MAP7D2: variants seen among roughly 807,000 people sequenced by gnomAD.
MAP7D2 encodes MAP7 domain-containing protein 2.
A neutral mutation model predicts 63.5 loss-of-function variants in MAP7D2; 33 were observed. That is an observed-to-expected ratio of 0.52 (90% CI 0.39 to 0.70). The LOEUF (loss-of-function observed/expected upper bound fraction) is 0.70, where lower values mean the gene tolerates loss of function less well. Ranked by LOEUF, MAP7D2 falls within the 30% of genes least tolerant of loss-of-function variation. MAP7D2 has a pLI of 0.00. For missense variants in MAP7D2, 626 were observed against 604.0 expected, an observed-to-expected ratio of 1.04 and a Z score of -0.38; for synonymous variants, 224 against 223.7, an observed-to-expected ratio of 1.00 and a Z score of -0.01.
At chrX:20,112,009 C>T (rs1334517019) in intron 1 of MAP7D2, among the ~76,000 whole-genome samples, 3 of 111,880 alleles carry the variant, frequency 2.7e-5, no homozygotes, top group Middle Eastern at 4.6e-3. Context: ...TGAGTGCAAG[C>T]GATCTGTGGG....
intron 16 of MAP7D2, among the ~76,000 whole-genome samples, chrX:20,009,591 G>A (rs1308175537): frequency 9.7e-6 from 1 of 103,032 alleles, no homozygotes; most frequent in Non-Finnish European, 2.0e-5. Flanking sequence ...TTGAACCTGG[G>A]AGGTAGAAGT....
chrX:20,050,553 A>AGT (rs2064919860), intron 6 of MAP7D2, among the ~76,000 whole-genome samples: 1 of 111,953 alleles, frequency 8.9e-6, no homozygotes, highest in Non-Finnish European at 1.9e-5. Context: ...ACCGTCTCTT[A>AGT]AGAAAAGTCT....
rs182538331 is a variant in MAP7D2 at position 20,114,173 on chromosome X, C to T, written c.130+2577G>A. Among the ~76,000 whole-genome samples the T allele has an allele frequency of 1.2e-4, 14 of 112,297 alleles. No homozygotes were observed. The Admixed American group carries it at 1.3e-3, about 11-fold the overall frequency. On this transcript the variant is annotated intron_variant, in intron 1 of 16. Transcript: ENST00000379643. ...TCAGCCTCCCAAGTAGCTACGATTA[C>T]AAGCATGCGCCACCAGGCCCGGCTA...
At chrX:20,060,434 GAAAGAAAGAAAGAA>G (rs1319012546) in intron 3 of MAP7D2, among the ~76,000 whole-genome samples, 22 of 22,012 alleles carry the variant, frequency 1.0e-3, no homozygotes, top group Non-Finnish European at 1.8e-3. Context: ...GAGAGAGAGA[GAAAGAAAGAAAGAA>G]AGAAAGAAAG....
chrX:20,106,048 C>T (rs776620999), intron 1 of MAP7D2, among the ~76,000 whole-genome samples: 3 of 111,748 alleles, frequency 2.7e-5, no homozygotes, highest in Admixed American at 1.9e-4. Flanking sequence ...GGGGCCAAAC[C>T]GAATCCACTA....
chrX:20,033,356 C>T (rs886225799), intron 8 of MAP7D2, among the ~76,000 whole-genome samples: 1 of 111,691 alleles, frequency 9.0e-6, no homozygotes, highest in Admixed American at 9.5e-5. Flanking sequence ...ACACTGAAGA[C>T]CTGGAAGTAC....
chrX:20,107,221 A>G (rs1434678819), intron 1 of MAP7D2, among the ~76,000 whole-genome samples: 1 of 110,621 alleles, frequency 9.0e-6, no homozygotes, highest in African/African-American at 3.3e-5. Context: ...TGTTTTGCCA[A>G]ATTTTACCTA....
chrX:20,110,780 T>C (rs369285151), intron 1 of MAP7D2, among the ~76,000 whole-genome samples: 2 of 110,893 alleles, frequency 1.8e-5, no homozygotes, highest in African/African-American at 6.6e-5. Context: ...TGAGAGGTGC[T>C]GGAACAAATC....
intron 1 of MAP7D2, among the ~76,000 whole-genome samples, chrX:20,075,084 T>G (rs2065610121): frequency 9.0e-6 from 1 of 111,448 alleles, no homozygotes; most frequent in Admixed American, 9.6e-5. Context: ...AAAAACAGTG[T>G]TAAAATGAAG....
chrX:20,084,478 T>C (rs1021896188), intron 1 of MAP7D2, among the ~76,000 whole-genome samples: 1 of 110,974 alleles, frequency 9.0e-6, no homozygotes, highest in African/African-American at 3.3e-5. Context: ...TGATAGGTGT[T>C]TGACAGCATC....
At chrX:20,051,418 G>A (rs1220820919) in intron 5 of MAP7D2, among the ~76,000 whole-genome samples, 1 of 110,766 alleles carries the variant, frequency 9.0e-6, no homozygotes, top group African/African-American at 3.3e-5. Flanking sequence ...TGGGCATGGT[G>A]ACATGCGCCT....
Position 20,103,199 on chromosome X carries a change from A to T in MAP7D2, c.130+13551T>A, listed in dbSNP as rs1337921009. On this transcript the variant is annotated intron_variant, in intron 1 of 16. Coordinates refer to ENST00000379643, the MANE Select transcript of MAP7D2 (RefSeq NM_001168465.2). ...CCCACAGCTCACCCAAATCCTGCAT[A>T]GCTAGCTACTGGTTTTATCTAATGG... Among the ~76,000 whole-genome samples, 2 of 111,798 alleles carry T rather than the reference A, an allele frequency of 1.8e-5. 1 individual carries two copies. Among genetic ancestry groups the T allele is most frequent in the African/African-American group, 6.5e-5 (2 of 30,783 alleles).
rs1302071573 is a variant in MAP7D2, at chrX:20,007,405, A to T, written c.*1020T>A. The T allele has an allele frequency of 8.9e-6, 1 of 112,395 alleles. No individual in the cohort carries two copies. Among genetic ancestry groups the T allele is most frequent in the Non-Finnish European group, 1.9e-5 (1 of 53,253 alleles). 9.3% of individuals were successfully genotyped at this position (112,395 alleles called of 1,213,427 possible). On this transcript the variant is annotated 3_prime_UTR_variant, in exon 17 of 17. Transcript: ENST00000379643. Reference sequence around the variant, plus strand: ...CCATTATATGGCATAAAATGTGTGGAGTATACATTCTAGTGTCATTTTTCC... The same window carrying T: ...CCATTATATGGCATAAAATGTGTGGTGTATACATTCTAGTGTCATTTTTCC...
intron 1 of MAP7D2, among the ~76,000 whole-genome samples, chrX:20,106,386 G>A (rs2066567304): frequency 8.9e-6 from 1 of 112,089 alleles, no homozygotes; most frequent in Non-Finnish European, 1.9e-5. Context: ...TGCCTGATAT[G>A]GGGGAGCCCA....
At position 20,013,575 on chromosome X, in the gene MAP7D2, T is replaced by C; in HGVS notation, c.1800A>G (p.Gln600=). 1 of 1,195,540 alleles carries C rather than the reference T, an allele frequency of 8.4e-7. No individual in the cohort carries two copies. The highest frequency in any genetic ancestry group is 1.1e-6 in the Non-Finnish European group (1 of 885,084). Residue 600 remains glutamine (Q), a synonymous_variant, in exon 13 of 17, where the codon CAA becomes CAG. Coordinates refer to ENST00000379643, the MANE Select transcript of MAP7D2 (RefSeq NM_001168465.2). ...TGGTCATTTGAATTCCTACCTTCACTTGTGGAGACACATCACTTTTCCTTG... is the reference window on the plus strand; with the variant it reads ...TGGTCATTTGAATTCCTACCTTCACCTGTGGAGACACATCACTTTTCCTTG... The part of the protein sequence containing the change: ...KRTRKSDVSP[Q]VKKEDPKVGV...
intron 1 of MAP7D2, among the ~76,000 whole-genome samples, chrX:20,094,535 T>C (rs2066182963): frequency 9.4e-5 from 1 of 10,651 alleles, no homozygotes; most frequent in African/African-American, 4.4e-4. Context: ...TATATATATA[T>C]ATATATGTAT....
At chrX:20,063,020 CCT>C (rs2065259123) in intron 3 of MAP7D2, among the ~76,000 whole-genome samples, 1 of 110,136 alleles carries the variant, frequency 9.1e-6, no homozygotes, top group Non-Finnish European at 1.9e-5. Context: ...CCCACAATCT[CCT>C]CTGAGTCTTT....
At chrX:20,098,007 C>T (rs1277432850) in intron 1 of MAP7D2, among the ~76,000 whole-genome samples, 1 of 111,707 alleles carries the variant, frequency 9.0e-6, no homozygotes, top group Non-Finnish European at 1.9e-5. Context: ...AAAGACCATA[C>T]ATAAATATAT....
At chrX:20,047,048 C>T (rs1797229054) in intron 6 of MAP7D2, among the ~76,000 whole-genome samples, 1 of 112,761 alleles carries the variant, frequency 8.9e-6, no homozygotes. Context: ...TGACTATGAG[C>T]CGGCAGGAGT....
Sources: allele counts gnomAD v4.1 joint callset (sites outside exome capture counted in the v4.1 genomes callset), GRCh38; gene constraint gnomAD v4.1.1; transcripts MANE v1.5; gene names NCBI Gene and HGNC (gene_info 2026-07-23, HGNC 2026-07-21).